ZNF808: variants seen among roughly 807,000 people sequenced by gnomAD.
ZNF808 encodes the protein zinc finger protein 808.
Under a neutral mutation model 8.7 loss-of-function variants are expected in ZNF808, and 5 were observed. The observed-to-expected ratio is 0.58, with a 90% CI of 0.30 to 1.21. The LOEUF (loss-of-function observed/expected upper bound fraction) is 1.21. Ranked by LOEUF, ZNF808 falls within the 50% of genes most tolerant of loss-of-function variation. The pLI is 0.07. For missense variants in ZNF808, 1,103 were observed against 1,098.4 expected (o/e 1.00, Z -0.06); for synonymous variants, 380 against 366.0 (o/e 1.04, Z -0.44).
Position 52,528,924 on chromosome 19 carries a change from GAGAAGGAATAGAGGGA to G in ZNF808, c.-122+1220_-122+1235del, listed in dbSNP as rs562167468. 8.6e-5 allele frequency among the ~76,000 whole-genome samples: 13 copies of G among 151,840 alleles called. No individual in the cohort carries two copies. In the South Asian group the frequency reaches 2.7e-3, roughly 32 times the overall value. Reference sequence around the variant, plus strand: ...CGAGGATGGAGCAGAAGAGATGGAAGAGAAGGAATAGAGGGAAGAAGGGGGATAAACAGCAGAAGAG... The same window carrying G: ...CGAGGATGGAGCAGAAGAGATGGAAGAGAAGGGGGATAAACAGCAGAAGAG... On this transcript the variant is annotated intron_variant, in intron 1 of 4. Transcript: ENST00000359798.
At chr19:52,538,767 A>G (rs948113673) in intron 2 of ZNF808, among the ~76,000 whole-genome samples, 1 of 152,204 alleles carries the variant, frequency 6.6e-6, no homozygotes, top group African/African-American at 2.4e-5. Flanking sequence ...GGAAGCAGTA[A>G]TGAAGACGAA....
At chr19:52,544,888 A>G (rs76619471) in intron 3 of ZNF808, among the ~76,000 whole-genome samples, 2,755 of 152,252 alleles carry the variant, frequency 0.018, 74 homozygotes, top group African/African-American at 0.062. Context: ...GCTTCAAGCA[A>G]TTCTTTTGCC....
intron 4 of ZNF808, among the ~76,000 whole-genome samples, chr19:52,549,693 T>C (rs151232858): frequency 0.022 from 3,420 of 152,154 alleles, 108 homozygotes; most frequent in African/African-American, 0.073. Flanking sequence ...TACTTCCTGC[T>C]CTCCACCCTT....
At chr19:52,545,418 A>AT (rs1163402307) in intron 3 of ZNF808, among the ~76,000 whole-genome samples, 1 of 152,020 alleles carries the variant, frequency 6.6e-6, no homozygotes, top group Non-Finnish European at 1.5e-5. Context: ...AATAAGTTTT[A>AT]TTTTTTATAA....
intron 4 of ZNF808, among the ~76,000 whole-genome samples, chr19:52,549,891 T>C (rs569070425): frequency 4.5e-4 from 69 of 152,252 alleles, no homozygotes; most frequent in Middle Eastern, 3.4e-3. Context: ...AGGAGGCCGC[T>C]TAAATCAGTG....
chr19:52,550,230 T>G (rs543249372), intron 4 of ZNF808, among the ~76,000 whole-genome samples: 2 of 127,354 alleles, frequency 1.6e-5, no homozygotes, highest in South Asian at 2.6e-4. Context: ...CCAGGGTTGG[T>G]TTTTTTTTTT....
downstream of ZNF808, among the ~76,000 whole-genome samples, chr19:52,568,273 C>T (rs1368277447): frequency 2.0e-5 from 3 of 152,142 alleles, no homozygotes; most frequent in Admixed American, 2.0e-4. Context: ...ATTTGGGAGG[C>T]TGAGGCAGGA....
At position 52,547,653 on chromosome 19, in the gene ZNF808, C is replaced by G. The variant is rs780521108; in HGVS notation, c.190+15C>G. ...GGAGGCTGTGGGTGAGGAAAATGTC[C>G]CTGCAGACATGAGGAGTCTGCTCCT... On this transcript the variant is annotated intron_variant, in intron 4 of 4. Coordinates refer to ENST00000359798, the MANE Select transcript of ZNF808 (RefSeq NM_001039886.4). The G allele has an allele frequency of 1.2e-6, 2 of 1,613,390 alleles. No homozygotes were observed. Among genetic ancestry groups the G allele is most frequent in the South Asian group, 2.2e-5 (2 of 91,020 alleles).
At chr19:52,530,898 G>A (rs760165524) in intron 1 of ZNF808, among the ~76,000 whole-genome samples, 3 of 151,712 alleles carry the variant, frequency 2.0e-5, no homozygotes, top group Non-Finnish European at 2.9e-5. Flanking sequence ...ACTTGGACCC[G>A]GCTGGGAGGC....
At chr19:52,557,259 G>A (rs765850459), downstream of ZNF808, among the ~76,000 whole-genome samples, 19 of 149,606 alleles carry the variant, frequency 1.3e-4, no homozygotes, top group East Asian at 2.2e-3. Flanking sequence ...ATGAGCCACC[G>A]TGCCCCGCCT....
chr19:52,532,552 G>A (rs905149683), intron 1 of ZNF808, among the ~76,000 whole-genome samples: 4 of 152,114 alleles, frequency 2.6e-5, no homozygotes, highest in Non-Finnish European at 5.9e-5. Context: ...TAGATATTGT[G>A]TAAATATGAA....
chr19:52,542,617 C>T (rs1206702095), intron 2 of ZNF808, among the ~76,000 whole-genome samples: 1 of 151,846 alleles, frequency 6.6e-6, no homozygotes, highest in East Asian at 1.9e-4. Flanking sequence ...GTTTAGTTTG[C>T]CCAAGGTGGT....
intron 3 of ZNF808, among the ~76,000 whole-genome samples, chr19:52,546,972 G>C (rs750426924): frequency 7.7e-4 from 107 of 138,984 alleles, no homozygotes; most frequent in Non-Finnish European, 1.4e-3. Flanking sequence ...TTTTTAGATG[G>C]AGTGTCAGTC....
chr19:52,564,928 T>A (rs2059869399), downstream of ZNF808, among the ~76,000 whole-genome samples: 1 of 151,698 alleles, frequency 6.6e-6, no homozygotes, highest in Non-Finnish European at 1.5e-5. Flanking sequence ...CTACTAACAA[T>A]ACAAAAAATG....
In ZNF808 at chr19:52,554,709, A is replaced by G. The variant is rs1489501323; in HGVS notation, c.1793A>G (p.Glu598Gly). Residue 598 changes from glutamate to glycine, a missense_variant, in exon 5 of 5, where the codon GAA becomes GGA. Transcript: ENST00000359798. ...LHTGEKPYKC[E>G]ACDKVFGQKS... ...ACTGGAGAGAAACCTTACAAATGTG[A>G]AGCATGTGACAAAGTTTTTGGTCAG... 1 of 1,613,946 alleles carries G rather than the reference A, an allele frequency of 6.2e-7. No individual in the cohort carries two copies.
chr19:52,536,996 G>C (rs1458279882), intron 2 of ZNF808, among the ~76,000 whole-genome samples: 1 of 130,702 alleles, frequency 7.7e-6, no homozygotes, highest in Non-Finnish European at 1.6e-5. Context: ...AGACCAGCCT[G>C]ACCAACATGG....
At chr19:52,543,610 G>A (rs1438421645) in intron 3 of ZNF808, among the ~76,000 whole-genome samples, 4 of 152,138 alleles carry the variant, frequency 2.6e-5, no homozygotes, top group South Asian at 2.1e-4. Context: ...ACACCCAGAC[G>A]TGGATAAACA....
At chr19:52,565,538 A>C (rs1468634351), downstream of ZNF808, among the ~76,000 whole-genome samples, 1 of 152,166 alleles carries the variant, frequency 6.6e-6, no homozygotes, top group Non-Finnish European at 1.5e-5. Flanking sequence ...GTAAACTGAG[A>C]GCTTATCTTC....
Position 52,554,509 on chromosome 19 carries a change from A to G in ZNF808, c.1593A>G (p.Arg531=). Residue 531 remains arginine (R), a synonymous_variant, in exon 5 of 5, where the codon AGA becomes AGG. Transcript: ENST00000359798. ...GGGCATCCCTTGTATACCATCGTAGACTTCACACTCTAGAGAAATCTTACA... is the reference window on the plus strand; with the variant it reads ...GGGCATCCCTTGTATACCATCGTAGGCTTCACACTCTAGAGAAATCTTACA... The part of the protein sequence containing the change: ...RHRASLVYHR[R]LHTLEKSYKC... 3 of 1,614,170 alleles carry G rather than the reference A, an allele frequency of 1.9e-6. No homozygotes were observed. Among genetic ancestry groups the G allele is most frequent in the Non-Finnish European group, 1.7e-6 (2 of 1,180,030 alleles).
Sources: gnomAD v4.1 joint callset for allele counts (sites outside exome capture counted in the v4.1 genomes callset) on GRCh38, gnomAD v4.1.1 for gene constraint, MANE v1.5 for transcripts, NCBI Gene and HGNC (gene_info 2026-07-23, HGNC 2026-07-21) for gene names.